Variants in TMEM196 observed in about 807,000 individuals in gnomAD.
The protein encoded by TMEM196 is transmembrane protein 196.
TMEM196 carries 17 observed loss-of-function variants against 20.0 expected under a neutral mutation model. The ratio of observed to expected loss-of-function variants is 0.85; its 90% CI spans 0.58 to 1.27. TMEM196 has a LOEUF of 1.27. TMEM196 is among the 50% of genes most tolerant of loss of function. The probability of loss-of-function intolerance (pLI) is 0.00; values close to 1 mark genes in which losing one functional copy is unlikely to be tolerated. For synonymous variants in TMEM196, 113 were observed against 88.9 expected, an observed-to-expected ratio of 1.27 and a Z score of -1.52; for missense variants, 267 against 223.0, an observed-to-expected ratio of 1.20 and a Z score of -1.26.
intron 1 of TMEM196, among the ~76,000 whole-genome samples, chr7:19,768,481 A>G (rs966524287): frequency 9.2e-5 from 14 of 152,128 alleles, no homozygotes; most frequent in Non-Finnish European, 1.9e-4. Flanking sequence ...TAGATGATGC[A>G]CTGGAGGCTG....
In TMEM196 at chr7:19,772,538, C is replaced by A; in HGVS notation, c.147+12G>T. 1 of 1,537,798 alleles carries A rather than the reference C, an allele frequency of 6.5e-7. No individual in the cohort carries two copies. The highest frequency in any genetic ancestry group is 8.8e-7 in the Non-Finnish European group (1 of 1,141,022). Reference sequence around the variant, plus strand: ...GTGAAATGGCTCAACGTACACACACCCCGCTCCATACCGGGGACGAGTCTC... The same window carrying A: ...GTGAAATGGCTCAACGTACACACACACCGCTCCATACCGGGGACGAGTCTC... On this transcript the variant is annotated intron_variant, in intron 1 of 4. Coordinates refer to ENST00000405844, the MANE Select transcript of TMEM196 (RefSeq NM_001363562.2).
intron 1 of TMEM196, among the ~76,000 whole-genome samples, chr7:19,737,524 T>C (rs1416840666): frequency 1.3e-5 from 2 of 151,956 alleles, no homozygotes; most frequent in African/African-American, 2.4e-5. Flanking sequence ...TGTTTTTTCA[T>C]AGATAGATGG....
chr7:19,721,117 A>G lies in TMEM196; in HGVS notation c.*1011T>C, dbSNP rs1328598428. The G allele has an allele frequency of 6.6e-6, 1 of 151,904 alleles. No homozygotes were observed. The highest frequency in any genetic ancestry group is 1.5e-5 in the Non-Finnish European group (1 of 67,782). 9.4% of individuals were successfully genotyped at this position (151,904 alleles called of 1,614,324 possible). A position where few individuals can be genotyped will look rare whatever the true frequency, so the allele number is the denominator to read the frequency against. On this transcript the variant is annotated 3_prime_UTR_variant, in exon 5 of 5. Transcript: ENST00000405844. ...CTCATCTTCATAAATATCACCCACA[A>G]TGATATTTACACAAAACCTAATTAA...
At chr7:19,769,446 A>G (rs1233731761) in intron 1 of TMEM196, among the ~76,000 whole-genome samples, 1 of 152,072 alleles carries the variant, frequency 6.6e-6, no homozygotes, top group Non-Finnish European at 1.5e-5. Context: ...CCTAAGCCCC[A>G]GAAAAATGGA....
At chr7:19,730,195 G>T (rs1483988687) in intron 1 of TMEM196, among the ~76,000 whole-genome samples, 2 of 151,570 alleles carry the variant, frequency 1.3e-5, no homozygotes, top group Non-Finnish European at 2.9e-5. Context: ...GGCGAGGCTT[G>T]CAGTGAGCCA....
chr7:19,768,635 A>G (rs112064169), intron 1 of TMEM196, among the ~76,000 whole-genome samples: 1 of 152,168 alleles, frequency 6.6e-6, no homozygotes, highest in Non-Finnish European at 1.5e-5. Context: ...ATTGTTATCT[A>G]ACAGTTATGC....
At chr7:19,733,559 G>A (rs1331673879) in intron 1 of TMEM196, among the ~76,000 whole-genome samples, 2 of 151,982 alleles carry the variant, frequency 1.3e-5, no homozygotes, top group Non-Finnish European at 2.9e-5. Flanking sequence ...GAAGCAAAAG[G>A]CTTAGGCTTC....
chr7:19,772,705 G>C lies in TMEM196; in HGVS notation c.-9C>G. On this transcript the variant is annotated 5_prime_UTR_variant, in exon 1 of 5. Coordinates refer to ENST00000405844, the MANE Select transcript of TMEM196 (RefSeq NM_001363562.2). Reference sequence around the variant, plus strand: ...TGACCGCTGGTGCACATCCTTCCTCGGTCATCTTCCTTCCAGATCAGAGAG... The same window carrying C: ...TGACCGCTGGTGCACATCCTTCCTCCGTCATCTTCCTTCCAGATCAGAGAG... 1.3e-6 allele frequency: 2 copies of C among 1,495,098 alleles called. No homozygotes were observed. The highest frequency in any genetic ancestry group is 9.0e-7 in the Non-Finnish European group (1 of 1,113,338). 92.6% of individuals were successfully genotyped at this position (1,495,098 alleles called of 1,614,324 possible).
At chr7:19,733,660 TAAA>T (rs369943856) in intron 1 of TMEM196, among the ~76,000 whole-genome samples, 2 of 67,874 alleles carry the variant, frequency 2.9e-5, no homozygotes, top group African/African-American at 1.0e-4. Context: ...GATCCTTTTT[TAAA>T]AAAAAAAAAA....
chr7:19,770,651 A>C (rs552759385), intron 1 of TMEM196, among the ~76,000 whole-genome samples: 1 of 152,156 alleles, frequency 6.6e-6, no homozygotes, highest in African/African-American at 2.4e-5. Flanking sequence ...TAGAAACCCA[A>C]ATGAATTTTG....
At position 19,772,585 on chromosome 7, in the gene TMEM196, G is replaced by T. The variant is rs576096643; in HGVS notation, c.112C>A (p.Arg38=). 6.5e-7 allele frequency: 1 copy of T among 1,546,046 alleles called. No homozygotes were observed. The highest frequency in any genetic ancestry group is 1.2e-5 in the South Asian group (1 of 83,436). ...TCTCCGAGCTGCGGCTTGTGCTCTC[G>T]GAGGGCCAGGCTGAAGCTGACCGCC... ...VGAVSFSLAL[R]EHKPQLGDSS... Residue 38 remains arginine, a synonymous_variant, in exon 1 of 5, where the codon CGA becomes AGA. Coordinates refer to ENST00000405844, the MANE Select transcript of TMEM196 (RefSeq NM_001363562.2).
chr7:19,766,908 C>G (rs1484000662), intron 1 of TMEM196, among the ~76,000 whole-genome samples: 1 of 151,988 alleles, frequency 6.6e-6, no homozygotes, highest in Non-Finnish European at 1.5e-5. Context: ...ATAATTAAGG[C>G]AATACAGAGA....
At chr7:19,748,263 CAAAAA>C (rs57276805) in intron 1 of TMEM196, among the ~76,000 whole-genome samples, 4 of 20,780 alleles carry the variant, frequency 1.9e-4, no homozygotes, top group African/African-American at 6.8e-4. Flanking sequence ...TGTGGCTGTC[CAAAAA>C]AAAAAAAAAA....
At chr7:19,733,490 A>G (rs1209812857) in intron 1 of TMEM196, among the ~76,000 whole-genome samples, 2 of 152,098 alleles carry the variant, frequency 1.3e-5, no homozygotes, top group Non-Finnish European at 2.9e-5. Flanking sequence ...GTCATCACAC[A>G]TTTGTTTGTG....
chr7:19,770,558 A>G (rs1198613883), intron 1 of TMEM196, among the ~76,000 whole-genome samples: 1 of 152,224 alleles, frequency 6.6e-6, no homozygotes, highest in African/African-American at 2.4e-5. Flanking sequence ...CTGTTTGGTC[A>G]TTCTGGTGTC....
Position 19,720,938 on chromosome 7 carries a change from A to G in TMEM196, c.*1190T>C. ...GGTGTTTGAAATATCAATATCATCAATAATTTTAAGTCATGATATCTTTAT... is the reference window on the plus strand; with the variant it reads ...GGTGTTTGAAATATCAATATCATCAGTAATTTTAAGTCATGATATCTTTAT... On this transcript the variant is annotated 3_prime_UTR_variant, in exon 5 of 5. Coordinates refer to ENST00000405844, the MANE Select transcript of TMEM196 (RefSeq NM_001363562.2). 6.6e-6 allele frequency: 1 copy of G among 151,956 alleles called. No individual in the cohort carries two copies. Among genetic ancestry groups the G allele is most frequent in the Non-Finnish European group, 1.5e-5 (1 of 67,820 alleles). The allele number at this position is 151,956 out of a possible 1,614,324, so 9.4% of individuals were successfully genotyped here. A position where few individuals can be genotyped will look rare whatever the true frequency, so the allele number is the denominator to read the frequency against.
intron 1 of TMEM196, among the ~76,000 whole-genome samples, chr7:19,764,060 G>C (rs1262878718): frequency 6.6e-6 from 1 of 152,118 alleles, no homozygotes; most frequent in African/African-American, 2.4e-5. Flanking sequence ...AGCCAGCTGT[G>C]AGATTCACTG....
Position 19,724,363 on chromosome 7 carries a change from A to C in TMEM196, c.460-10T>G. 2 of 1,549,864 alleles carry C rather than the reference A, an allele frequency of 1.3e-6. No homozygotes were observed. Among genetic ancestry groups the C allele is most frequent in the Non-Finnish European group, 1.7e-6 (2 of 1,146,406 alleles). On this transcript the variant is annotated splice_polypyrimidine_tract_variant and intron_variant, in intron 3 of 4. Transcript: ENST00000405844. ...CAATAGCCCTCAATCTCTAATGTAA[A>C]TATAACAATCATACAATAAATATTG...
intron 1 of TMEM196, among the ~76,000 whole-genome samples, chr7:19,746,381 C>T (rs759420539): frequency 2.6e-5 from 4 of 152,208 alleles, no homozygotes; most frequent in African/African-American, 9.7e-5. Flanking sequence ...TATACCGACT[C>T]TCTTTTTAAT....
Sources: allele counts gnomAD v4.1 joint callset (sites outside exome capture counted in the v4.1 genomes callset), GRCh38; gene constraint gnomAD v4.1.1; transcripts MANE v1.5; gene names NCBI Gene and HGNC (gene_info 2026-07-23, HGNC 2026-07-21).